Variants in SLC8A1 observed in about 807,000 individuals in gnomAD.
The protein encoded by SLC8A1 is solute carrier family 8 member A1.
A neutral mutation model predicts 68.3 loss-of-function variants in SLC8A1; 18 were observed. The observed-to-expected ratio is 0.26, with a 90% confidence interval of 0.18 to 0.39. SLC8A1 has a LOEUF of 0.39. Ranked by LOEUF, SLC8A1 falls within the 10% of genes least tolerant of loss-of-function variation. The probability of loss-of-function intolerance (pLI) is 1.00; values close to 1 mark genes in which losing one functional copy is unlikely to be tolerated. For missense variants in SLC8A1, 985 were observed against 1,156.7 expected (o/e 0.85, Z 2.15); for synonymous variants, 475 against 415.5 (o/e 1.14, Z -1.74).
At chr2:40,231,191 G>T (rs1056932784) in intron 2 of SLC8A1, among the ~76,000 whole-genome samples, 1 of 152,148 alleles carries the variant, frequency 6.6e-6, no homozygotes, top group Non-Finnish European at 1.5e-5. Context: ...TGGCACAGTT[G>T]CTTTCTGAGC....
exon 8 of SLC8A1, chr2:40,104,817 A>G (rs1405996564): frequency 6.6e-6 from 1 of 152,160 alleles, no homozygotes; most frequent in African/African-American, 2.4e-5. Flanking sequence ...TGTATAGTTT[A>G]TGAGCCTATG....
intron 2 of SLC8A1, among the ~76,000 whole-genome samples, chr2:40,260,564 A>T (rs983121607): frequency 2.6e-5 from 4 of 152,234 alleles, no homozygotes; most frequent in Admixed American, 2.0e-4. Flanking sequence ...GTTCAAAGAC[A>T]TTTAAATTAA....
intron 7 of SLC8A1, chr2:40,118,603 G>A (rs867952520): frequency 1.7e-4 from 19 of 110,210 alleles, no homozygotes; most frequent in African/African-American, 5.1e-4. Context: ...AGAAAAAAAA[G>A]GAAGTTTTTT....
intron 1 of SLC8A1, among the ~76,000 whole-genome samples, chr2:40,461,706 C>A (rs1392344629): frequency 1.9e-4 from 29 of 152,120 alleles, no homozygotes; most frequent in Non-Finnish European, 3.7e-4. Flanking sequence ...AACATTTAAT[C>A]AAGTCTTTTT....
chr2:40,382,277 T>C (rs1452258372), intron 2 of SLC8A1, among the ~76,000 whole-genome samples: 1 of 152,118 alleles, frequency 6.6e-6, no homozygotes, highest in African/African-American at 2.4e-5. Flanking sequence ...AACCAATCTC[T>C]ACTTAATGAT....
At position 40,494,929 on chromosome 2, in the gene SLC8A1, C is replaced by A. The variant is rs1043906056; in HGVS notation, c.-25+17420G>T. ...TCTTATTTGCCCCTATAACCCTAAA[C>A]CTAGTGATATTTTTATTATTATCAT... On this transcript the variant is annotated intron_variant, in intron 1 of 7. Coordinates refer to the SLC8A1 transcript ENST00000402441. Among the ~76,000 whole-genome samples, 3 of 151,174 alleles carry A rather than the reference C, an allele frequency of 2.0e-5. No individual in the cohort carries two copies. In the South Asian group the frequency reaches 6.3e-4, roughly 32 times the overall value.
intron 6 of SLC8A1, among the ~76,000 whole-genome samples, chr2:40,148,887 G>A (rs1420519667): frequency 6.6e-6 from 1 of 152,204 alleles, no homozygotes; most frequent in African/African-American, 2.4e-5. Context: ...TTCTATTAGA[G>A]GGTAAGTAGG....
exon 8 of SLC8A1, chr2:40,100,743 A>G (rs551350077): frequency 2.6e-5 from 4 of 152,138 alleles, no homozygotes; most frequent in Admixed American, 1.3e-4. Context: ...GCGACAGACA[A>G]TGGACACTCA....
At chr2:40,320,339 CCAA>C (rs1449019041) in intron 2 of SLC8A1, among the ~76,000 whole-genome samples, 1 of 152,044 alleles carries the variant, frequency 6.6e-6, no homozygotes, top group Admixed American at 6.6e-5. Flanking sequence ...ACCTTGTCCT[CCAA>C]CATGACATTA....
Position 40,473,632 on chromosome 2 carries a change from A to G in SLC8A1, c.-25+38717T>C, listed in dbSNP as rs529553855. On this transcript the variant is annotated intron_variant, in intron 1 of 7. Transcript: ENST00000402441. The stretch of plus-strand genomic sequence containing the variant: ...TTGAACAAATGAGTGAAAGTTGTTC[A>G]GAATATGAAATGGGTTGCCACACAG... 1.7e-3 allele frequency among the ~76,000 whole-genome samples: 259 copies of G among 152,366 alleles called. 2 individuals are homozygous for G. The highest frequency in any genetic ancestry group is 6.0e-3 in the African/African-American group (248 of 41,598).
chr2:40,172,616 G>C (rs1023092313), intron 4 of SLC8A1, among the ~76,000 whole-genome samples: 1 of 152,060 alleles, frequency 6.6e-6, no homozygotes, highest in Non-Finnish European at 1.5e-5. Flanking sequence ...TAAAAGGGAG[G>C]ACAGTTCAAA....
intron 3 of SLC8A1, 122 bp from the exon 4 acceptor site, chr2:40,175,403 T>A: frequency 1.2e-6 from 1 of 847,564 alleles, no homozygotes; most frequent in Non-Finnish European, 1.9e-6. Flanking sequence ...GAGCCACTGC[T>A]AAAAATGGGT....
intron 2 of SLC8A1, among the ~76,000 whole-genome samples, chr2:40,252,925 A>G (rs558704453): frequency 3.3e-5 from 4 of 123,048 alleles, no homozygotes; most frequent in African/African-American, 7.5e-5. Flanking sequence ...ATATATACAT[A>G]CATGTATATG....
chr2:40,461,191 A>G (rs923246536), intron 1 of SLC8A1, among the ~76,000 whole-genome samples: 26 of 152,188 alleles, frequency 1.7e-4, no homozygotes, highest in African/African-American at 6.3e-4. Flanking sequence ...CGATACTATT[A>G]TAGGAAAAAA....
intron 2 of SLC8A1, among the ~76,000 whole-genome samples, chr2:40,281,895 T>C (rs1037305776): frequency 1.3e-5 from 2 of 152,186 alleles, no homozygotes; most frequent in Non-Finnish European, 2.9e-5. Flanking sequence ...CTGTCTTCAC[T>C]TGAATTTTGG....
At chr2:40,441,584 A>T (rs1377265543) in intron 1 of SLC8A1, among the ~76,000 whole-genome samples, 2 of 152,112 alleles carry the variant, frequency 1.3e-5, no homozygotes, top group African/African-American at 4.8e-5. Flanking sequence ...GACCAATAGA[A>T]CAGAACAGAG....
intron 2 of SLC8A1, chr2:40,208,540 G>T (rs908064853): frequency 6.6e-6 from 1 of 152,066 alleles, no homozygotes; most frequent in African/African-American, 2.4e-5. Flanking sequence ...AATCCAACAG[G>T]AACTCCCTTT....
chr2:40,358,997 C>A (rs1439421810), intron 2 of SLC8A1, among the ~76,000 whole-genome samples: 1 of 151,902 alleles, frequency 6.6e-6, no homozygotes, highest in African/African-American at 2.4e-5. Context: ...GGGGGTGGAA[C>A]GGCTTGTGCA....
At chr2:40,263,827 A>G (rs776073784) in intron 2 of SLC8A1, among the ~76,000 whole-genome samples, 1 of 152,228 alleles carries the variant, frequency 6.6e-6, no homozygotes, top group Non-Finnish European at 1.5e-5. Context: ...AGCAATGATA[A>G]CAAAAGCCAA....
Sources: gnomAD v4.1 joint callset for allele counts (sites outside exome capture counted in the v4.1 genomes callset) on GRCh38, gnomAD v4.1.1 for gene constraint, MANE v1.5 for transcripts, NCBI Gene and HGNC (gene_info 2026-07-23, HGNC 2026-07-21) for gene names.